The following AGAP1 variants were observed in gnomAD, a reference collection of about 807,000 sequenced individuals.
AGAP1 encodes ArfGAP with GTPase domain, ankyrin repeat and PH domain 1.
AGAP1 carries 29 observed loss-of-function variants against 105.3 expected under a neutral mutation model. That is an observed-to-expected ratio of 0.28 (90% CI 0.21 to 0.38). The LOEUF is 0.38. AGAP1 is among the 10% of genes least tolerant of loss of function. The pLI is 1.00. For synonymous variants in AGAP1, 509 were observed against 485.9 expected (o/e 1.05, Z -0.63); for missense variants, 998 against 1,165.1 (o/e 0.86, Z 2.09).
chr2:236,054,499 AGGG>A (rs1315908141), intron 16 of AGAP1, among the ~76,000 whole-genome samples: 4 of 143,636 alleles, frequency 2.8e-5, no homozygotes, highest in East Asian at 2.1e-4. Context: ...AAAAAAAAAA[AGGG>A]AGGGGGAGAA....
rs1952052409 is a variant in AGAP1, at chr2:235,733,235, T to A, written c.311-7728T>A. 6.6e-6 allele frequency among the ~76,000 whole-genome samples: 1 copy of A among 152,214 alleles called. No homozygotes were observed. Among genetic ancestry groups the A allele is most frequent in the South Asian group, 2.1e-4 (1 of 4,834 alleles). ...CACCAGGCAACACGGGCATCTTCTT[T>A]GCCTCCGGAGAGCCTTTGCCGGCCA... On this transcript the variant is annotated intron_variant, in intron 3 of 17. Transcript: ENST00000304032. This position sits in a 1 kb window ranked among gnomAD's most constrained non-coding sequence, Gnocchi z 5.0.
chr2:235,968,436 TTTTG>T (rs1193023935), intron 12 of AGAP1, 22 bp from the exon 13 acceptor site: 6 of 1,550,568 alleles, frequency 3.9e-6, no homozygotes, highest in Middle Eastern at 1.9e-4. Flanking sequence ...TTTTTTTTTT[TTTTG>T]CCTTTTCCGG....
At chr2:235,851,558 T>A (rs571077939) in intron 9 of AGAP1, among the ~76,000 whole-genome samples, 1 of 152,264 alleles carries the variant, frequency 6.6e-6, no homozygotes, top group East Asian at 1.9e-4. Flanking sequence ...CAATGTCCCT[T>A]GGGTATCTCC....
chr2:235,850,476 C>G (rs1025343077), intron 9 of AGAP1, among the ~76,000 whole-genome samples: 1 of 152,174 alleles, frequency 6.6e-6, no homozygotes, highest in Non-Finnish European at 1.5e-5. Flanking sequence ...GGACATCAGC[C>G]GGCTGGCTCT....
intron 1 of AGAP1, among the ~76,000 whole-genome samples, chr2:235,501,150 C>A (rs1216923631): frequency 6.6e-6 from 1 of 152,138 alleles, no homozygotes; most frequent in East Asian, 1.9e-4. Flanking sequence ...CATGTGGGGC[C>A]ATTCTCAGTT....
At position 236,012,472 on chromosome 2, in the gene AGAP1, G is replaced by A. The variant is rs923399169; in HGVS notation, c.1646-24089G>A. On this transcript the variant is annotated intron_variant, in intron 13 of 17. Coordinates refer to ENST00000304032, the MANE Select transcript of AGAP1 (RefSeq NM_001037131.3). The surrounding 1 kb of genome is among the most constrained non-coding windows in gnomAD (Gnocchi z 4.9). Reference sequence around the variant, plus strand: ...CCCATGCCTAATTCTGCATCATCATGCCTGGGGCCCCTGGTACATACCCAT... The same window carrying A: ...CCCATGCCTAATTCTGCATCATCATACCTGGGGCCCCTGGTACATACCCAT... Among the ~76,000 whole-genome samples the A allele has an allele frequency of 1.4e-4, 21 of 152,104 alleles. No homozygotes were observed. The highest frequency in any genetic ancestry group is 4.8e-4 in the African/African-American group (20 of 41,412).
At chr2:236,019,063 T>A (rs2056803235) in intron 13 of AGAP1, among the ~76,000 whole-genome samples, 1 of 152,224 alleles carries the variant, frequency 6.6e-6, no homozygotes, top group Admixed American at 6.5e-5. Context: ...TGAGCAGGCC[T>A]AACTTGTTGG....
chr2:235,678,608 G>C (rs1248381795), intron 1 of AGAP1, among the ~76,000 whole-genome samples: 3 of 152,134 alleles, frequency 2.0e-5, no homozygotes, highest in East Asian at 3.9e-4. Context: ...TCAAGGTCTA[G>C]AGTCCTTTCA....
intron 12 of AGAP1, among the ~76,000 whole-genome samples, chr2:235,949,600 G>C (rs112455916): frequency 6.6e-6 from 1 of 150,904 alleles, no homozygotes; most frequent in Non-Finnish European, 1.5e-5. Flanking sequence ...CATGCCTAGC[G>C]AATTCCATTT....
intron 1 of AGAP1, among the ~76,000 whole-genome samples, chr2:235,693,389 T>C (rs1575146552): frequency 6.6e-6 from 1 of 152,148 alleles, no homozygotes; most frequent in South Asian, 2.1e-4. Flanking sequence ...GGTCATATCC[T>C]TGGGCCACAC....
rs181174297 is a variant in AGAP1 at position 236,088,413 on chromosome 2, C to A, written c.2115-31779C>A. On this transcript the variant is annotated intron_variant, in intron 16 of 17. Coordinates refer to ENST00000304032, the MANE Select transcript of AGAP1 (RefSeq NM_001037131.3). The stretch of plus-strand genomic sequence containing the variant: ...GGTTGTCACACTCTGTAATGACCAT[C>A]TTGGAGGGTAAGACACTTGGCAGTG... Among the ~76,000 whole-genome samples, 6 of 152,324 alleles carry A rather than the reference C, an allele frequency of 3.9e-5. No individual in the cohort carries two copies. In the East Asian group the frequency reaches 1.2e-3, roughly 29 times the overall value.
At chr2:235,812,831 C>T (rs74368822) in intron 9 of AGAP1, among the ~76,000 whole-genome samples, 96 of 152,278 alleles carry the variant, frequency 6.3e-4, no homozygotes, top group African/African-American at 2.2e-3. Context: ...AGAGGCCCGC[C>T]GAGCGTACGA....
rs1479321144 is a variant in AGAP1, at chr2:236,035,305, C to T, written c.1646-1256C>T. 2.0e-5 allele frequency among the ~76,000 whole-genome samples: 3 copies of T among 152,152 alleles called. No individual in the cohort carries two copies. Among genetic ancestry groups the T allele is most frequent in the Non-Finnish European group, 2.9e-5 (2 of 68,024 alleles). On this transcript the variant is annotated intron_variant, in intron 13 of 17. Transcript: ENST00000304032. The surrounding 1 kb of genome is among the most constrained non-coding windows in gnomAD (Gnocchi z 4.2). Reference sequence around the variant, plus strand: ...AGGCCAGGGCCCGGAAACATTGAGTCAAATGAGATGTTGTGTCTGAAAACC... The same window carrying T: ...AGGCCAGGGCCCGGAAACATTGAGTTAAATGAGATGTTGTGTCTGAAAACC...
rs141031926 is a variant in AGAP1, at chr2:235,964,656, A to T, written c.1484-3806A>T. 6.6e-6 allele frequency among the ~76,000 whole-genome samples: 1 copy of T among 152,262 alleles called. No individual in the cohort carries two copies. Among genetic ancestry groups the T allele is most frequent in the East Asian group, 1.9e-4 (1 of 5,176 alleles). ...CACTGTTAAATCATAAATAAAAATT[A>T]ATTAGGCTCGCCCTTTTTTTTCCAA... On this transcript the variant is annotated intron_variant, in intron 12 of 17. Transcript: ENST00000304032. This position sits in a 1 kb window ranked among gnomAD's most constrained non-coding sequence, Gnocchi z 4.6.
At position 235,875,074 on chromosome 2, in the gene AGAP1, G is replaced by C. The variant is rs2049648083; in HGVS notation, c.1051-8271G>C. Among the ~76,000 whole-genome samples, 1 of 152,118 alleles carries C rather than the reference G, an allele frequency of 6.6e-6. No homozygotes were observed. Among genetic ancestry groups the C allele is most frequent in the South Asian group, 2.1e-4 (1 of 4,828 alleles). ...CTGGAGGCCAAAGGCAGTATTCCTG[G>C]GGTCCTGGGATGGAGAGAGCCCTGT... On this transcript the variant is annotated intron_variant, in intron 9 of 17. Transcript: ENST00000304032. This position sits in a 1 kb window ranked among gnomAD's most constrained non-coding sequence, Gnocchi z 4.0.
chr2:235,718,449 G>A, intron 3 of AGAP1: 1 of 952,390 alleles, frequency 1.0e-6, no homozygotes, highest in Non-Finnish European at 1.3e-6. Flanking sequence ...GAGAGGAAAG[G>A]CACCACTTTG....
Position 235,864,998 on chromosome 2 carries a change from TTTTA to T in AGAP1, c.1051-18343_1051-18340del, listed in dbSNP as rs1398813307. 6.6e-6 allele frequency among the ~76,000 whole-genome samples: 1 copy of T among 152,172 alleles called. No homozygotes were observed. The highest frequency in any genetic ancestry group is 6.5e-5 in the Admixed American group (1 of 15,284). ...GGGAAGGAGAGAAACACAACAAACT[TTTTA>T]TTTCTTTCCCTGTCATTGTTCTTGG... On this transcript the variant is annotated intron_variant, in intron 9 of 17. Coordinates refer to ENST00000304032, the MANE Select transcript of AGAP1 (RefSeq NM_001037131.3). The surrounding 1 kb of genome is among the most constrained non-coding windows in gnomAD (Gnocchi z 5.0).
At chr2:235,795,089 C>T (rs1057490616) in intron 6 of AGAP1, among the ~76,000 whole-genome samples, 10 of 152,250 alleles carry the variant, frequency 6.6e-5, no homozygotes, top group Middle Eastern at 3.4e-3. Flanking sequence ...GACATTCCAT[C>T]CATTTTCTTT....
intron 6 of AGAP1, among the ~76,000 whole-genome samples, chr2:235,782,861 T>C (rs926005521): frequency 6.6e-6 from 1 of 152,194 alleles, no homozygotes; most frequent in African/African-American, 2.4e-5. Flanking sequence ...ACCTACTGAT[T>C]GTGTTTAAGT....
Sources: gnomAD v4.1 joint callset for allele counts (sites outside exome capture counted in the v4.1 genomes callset) on GRCh38, gnomAD v4.1.1 for gene constraint, Gnocchi (gnomAD v3.1) non-coding constraint, MANE v1.5 for transcripts, NCBI Gene and HGNC (gene_info 2026-07-23, HGNC 2026-07-21) for gene names.